Variants in ANXA8 observed in about 807,000 individuals in gnomAD.
ANXA8 encodes the protein VAC-beta.
In ANXA8, 9 loss-of-function variants were observed where a neutral mutation model predicts 26.8. The observed-to-expected ratio is 0.34, with a 90% CI of 0.20 to 0.59. The LOEUF (loss-of-function observed/expected upper bound fraction) is 0.59. Among genes scored for constraint, ANXA8 ranks in the 20% least tolerant of loss-of-function variants. ANXA8 has a pLI of 0.84. For synonymous variants in ANXA8, 39 were observed against 94.8 expected, an observed-to-expected ratio of 0.41 and a Z score of 3.42; for missense variants, 83 against 238.5, an observed-to-expected ratio of 0.35 and a Z score of 4.29.
chr10:47,669,006 A>G, the ANXA8 span, among the ~76,000 whole-genome samples: 3 of 151,820 alleles, frequency 2.0e-5, no homozygotes, highest in African/African-American at 2.4e-5. Flanking sequence ...TGAGGGAAGT[A>G]GGGCAGTGAG....
chr10:47,959,108 C>G, the ANXA8 span, among the ~76,000 whole-genome samples: 3 of 145,442 alleles, frequency 2.1e-5, no homozygotes, highest in African/African-American at 8.1e-5. Context: ...GCAGGAAAGG[C>G]TGGGAGGTAG....
At chr10:47,901,120 C>T in the ANXA8 span, among the ~76,000 whole-genome samples, 1 of 142,554 alleles carries the variant, frequency 7.0e-6, no homozygotes, top group Non-Finnish European at 1.5e-5. Context: ...AATTATCACC[C>T]CAGCCAAGCA....
At chr10:47,672,032 C>T in the ANXA8 span, among the ~76,000 whole-genome samples, 2 of 151,422 alleles carry the variant, frequency 1.3e-5, no homozygotes. Flanking sequence ...ATTTTTCCTT[C>T]TTACTTATTT....
the ANXA8 span, among the ~76,000 whole-genome samples, chr10:47,940,903 G>GGA: frequency 2.1e-5 from 3 of 141,806 alleles, no homozygotes; most frequent in Non-Finnish European, 4.5e-5. Context: ...AGAAAGAGAG[G>GGA]GAGAGAGAGA....
chr10:47,571,789 A>T, the ANXA8 span, among the ~76,000 whole-genome samples: 2 of 146,078 alleles, frequency 1.4e-5, no homozygotes, highest in Non-Finnish European at 3.0e-5. Context: ...AGGCGTGCGC[A>T]ACTGCACCTG....
chr10:47,720,222 A>G, the ANXA8 span, among the ~76,000 whole-genome samples: 1 of 145,772 alleles, frequency 6.9e-6, no homozygotes, highest in Admixed American at 6.8e-5. Context: ...AGCAAAAATT[A>G]CCCAGGAATC....
the ANXA8 span, among the ~76,000 whole-genome samples, chr10:47,695,246 A>C: frequency 5.9e-5 from 9 of 151,646 alleles, 1 homozygote; most frequent in South Asian, 6.3e-4. Flanking sequence ...GAACTCATTA[A>C]TGCTCTGATT....
chr10:47,744,497 G>T, the ANXA8 span, among the ~76,000 whole-genome samples: 1 of 147,692 alleles, frequency 6.8e-6, no homozygotes, highest in East Asian at 2.1e-4. Flanking sequence ...ACAGCGGTAA[G>T]GGCTAGCTCC....
the ANXA8 span, chr10:47,991,691 A>G: frequency 6.2e-7 from 1 of 1,611,304 alleles, no homozygotes; most frequent in East Asian, 2.2e-5. Context: ...CAGGCTTTCC[A>G]CCAGGCCATC....
chr10:47,918,425 G>T, the ANXA8 span, among the ~76,000 whole-genome samples: 1 of 34,806 alleles, frequency 2.9e-5, no homozygotes, highest in African/African-American at 1.5e-4. Flanking sequence ...AAGAAAGAAA[G>T]AAAGAAAGAG....
chr10:47,502,746 C>A, the ANXA8 span: 4 of 1,591,924 alleles, frequency 2.5e-6, no homozygotes, highest in Admixed American at 1.7e-5. Context: ...TGGCCTCACT[C>A]TGGCTGGTCA....
chr10:47,613,006 G>T, the ANXA8 span, among the ~76,000 whole-genome samples: 4 of 74,964 alleles, frequency 5.3e-5, 1 homozygote, highest in African/African-American at 1.5e-4. Context: ...AGAATTGGCT[G>T]TTTAGATTCA....
the ANXA8 span, among the ~76,000 whole-genome samples, chr10:47,936,326 AT>A: frequency 2.1e-5 from 1 of 48,418 alleles, no homozygotes; most frequent in Non-Finnish European, 3.8e-5. Context: ...GTAAACATCC[AT>A]GTGCAGGTTT....
At chr10:47,744,407 C>CT in the ANXA8 span, among the ~76,000 whole-genome samples, 1 of 6,366 alleles carries the variant, frequency 1.6e-4, no homozygotes, top group Non-Finnish European at 3.4e-4. Flanking sequence ...GGGAAGGCTC[C>CT]TGGTGGGGGG....
At chr10:47,905,675 G>A in the ANXA8 span, among the ~76,000 whole-genome samples, 2 of 149,610 alleles carry the variant, frequency 1.3e-5, no homozygotes, top group African/African-American at 5.0e-5. Flanking sequence ...ATCAACAAAC[G>A]GTAAAGGTCA....
chr10:47,666,807 T>A, the ANXA8 span, among the ~76,000 whole-genome samples: 2 of 151,980 alleles, frequency 1.3e-5, no homozygotes, highest in Non-Finnish European at 2.9e-5. Flanking sequence ...TCCACCTTCA[T>A]TTCCTCTTCT....
chr10:47,943,637 C>T, the ANXA8 span, among the ~76,000 whole-genome samples: 8 of 151,434 alleles, frequency 5.3e-5, no homozygotes, highest in African/African-American at 2.4e-5. Context: ...TTGGGGTGTC[C>T]TGGTAGGAGG....
chr10:47,776,764 T>C, the ANXA8 span, among the ~76,000 whole-genome samples: 1 of 151,930 alleles, frequency 6.6e-6, no homozygotes, highest in Non-Finnish European at 1.5e-5. Context: ...TTGTGGAATA[T>C]ATGTTGAACT....
At chr10:47,991,701 C>G in the ANXA8 span, 28 of 1,611,266 alleles carry the variant, frequency 1.7e-5, no homozygotes, top group African/African-American at 3.3e-4. Context: ...ACCAGGCCAT[C>G]TCTTTCACTT....
Sources: allele counts gnomAD v4.1 joint callset (sites outside exome capture counted in the v4.1 genomes callset), GRCh38; gene constraint gnomAD v4.1.1; transcripts MANE v1.5; gene names NCBI Gene and HGNC (gene_info 2026-07-23, HGNC 2026-07-21).